Variants in PCDHGA8 observed in about 807,000 individuals in gnomAD.
PCDHGA8 encodes protocadherin gamma subfamily A, 8.
PCDHGA8 carries 45 observed loss-of-function variants against 59.2 expected under a neutral mutation model. That is an observed-to-expected ratio of 0.76 (90% CI 0.60 to 0.98). The LOEUF (loss-of-function observed/expected upper bound fraction) is 0.98, where lower values mean the gene tolerates loss of function less well. Among genes scored for constraint, PCDHGA8 ranks in the 50% least tolerant of loss-of-function variants. The pLI is 0.00. For synonymous variants in PCDHGA8, 531 were observed against 519.0 expected, an observed-to-expected ratio of 1.02 and a Z score of -0.32; for missense variants, 1,257 against 1,196.2, an observed-to-expected ratio of 1.05 and a Z score of -0.75.
rs780177231 is a variant in PCDHGA8, at chr5:141,393,457, C to T, written c.644C>T (p.Ser215Leu). Residue 215 changes from serine (S) to leucine (L), a missense_variant, in exon 1 of 4, where the codon TCG becomes TTG. Physicochemically the swap from Ser to Leu is moderately radical, Grantham distance 145. Coordinates refer to ENST00000398604, the MANE Select transcript of PCDHGA8 (RefSeq NM_032088.2). ...EAAHHLVLTA[S>L]DGGKPPRSST... ...GCTCACCACCTGGTCCTCACGGCCTCGGATGGCGGCAAGCCGCCTCGCTCT... is the reference window on the plus strand; with the variant it reads ...GCTCACCACCTGGTCCTCACGGCCTTGGATGGCGGCAAGCCGCCTCGCTCT... The T allele has an allele frequency of 1.9e-6, 3 of 1,614,050 alleles. No individual in the cohort carries two copies. The highest frequency in any genetic ancestry group is 2.2e-5 in the East Asian group (1 of 44,876).
At chr5:141,400,003 C>G (rs2093938557) in intron 1 of PCDHGA8, 1 of 1,612,278 alleles carries the variant, frequency 6.2e-7, no homozygotes, top group Non-Finnish European at 8.5e-7. Context: ...GCGCACAGCG[C>G]GTGCCTTGGG....
At chr5:141,410,084 A>G in intron 1 of PCDHGA8, 3 of 1,612,532 alleles carry the variant, frequency 1.9e-6, no homozygotes, top group Non-Finnish European at 2.5e-6. Context: ...GGAGGTGCGC[A>G]CGGCTCGAGC....
chr5:141,394,761 G>A lies in PCDHGA8; in HGVS notation c.1948G>A (p.Gly650Ser). Reference protein sequence around the residue: ...QSLVVAVQDHGQPPLSATVTL... With the variant: ...QSLVVAVQDHSQPPLSATVTL... ...CCTCGTGGTGGCCGTCCAGGACCATGGCCAGCCCCCTCTCTCCGCCACTGT... is the reference window on the plus strand; with the variant it reads ...CCTCGTGGTGGCCGTCCAGGACCATAGCCAGCCCCCTCTCTCCGCCACTGT... The change falls in exon 1 of 4, where the codon GGC becomes AGC. Residue 650 changes from glycine to serine, a missense_variant. Gly to Ser is a moderately conservative substitution (Grantham distance 56, BLOSUM62 0). Transcript: ENST00000398604. 6.2e-7 allele frequency: 1 copy of A among 1,613,428 alleles called. No individual in the cohort carries two copies. Among genetic ancestry groups the A allele is most frequent in the South Asian group, 1.1e-5 (1 of 91,088 alleles).
At chr5:141,404,602 G>C (rs749746083) in intron 1 of PCDHGA8, 2 of 1,614,076 alleles carry the variant, frequency 1.2e-6, no homozygotes, top group Admixed American at 1.7e-5. Flanking sequence ...CATTGAGACT[G>C]TTTGTTTTGG....
chr5:141,423,609 A>G lies in PCDHGA8; in HGVS notation c.2424+28372A>G, dbSNP rs748925693. The G allele has an allele frequency of 5.0e-6, 8 of 1,611,572 alleles. No homozygotes were observed. The South Asian group carries it at 7.7e-5, about 16-fold the overall frequency. ...GTGAGAAAAGCGAGCCACTCTTGAT[A>G]GCTGAAGACTCAGCTATCATTTTAG... On this transcript the variant is annotated intron_variant, in intron 1 of 3. Transcript: ENST00000398604.
chr5:141,499,563 A>C (rs979866448), intron 2 of PCDHGA8, among the ~76,000 whole-genome samples: 3 of 152,242 alleles, frequency 2.0e-5, no homozygotes, highest in Non-Finnish European at 2.9e-5. Context: ...ACCACTATCC[A>C]GCTTCAACTA....
chr5:141,428,513 AAAG>A (rs891793310), intron 1 of PCDHGA8: 2 of 280,938 alleles, frequency 7.1e-6, no homozygotes, highest in Non-Finnish European at 1.4e-5. Context: ...GATTCTAGAA[AAAG>A]AAGATTTAAT....
chr5:141,426,717 G>A (rs974405285), intron 1 of PCDHGA8: 1 of 446,052 alleles, frequency 2.2e-6, no homozygotes, highest in African/African-American at 2.0e-5. Flanking sequence ...CAATGAACTA[G>A]CAATTCCAGG....
intron 1 of PCDHGA8, chr5:141,430,848 A>G (rs780445178): frequency 1.3e-6 from 2 of 1,581,028 alleles, no homozygotes; most frequent in Admixed American, 1.8e-5. Flanking sequence ...GGATGCACCC[A>G]GATACGCTAT....
chr5:141,415,514 C>G, intron 1 of PCDHGA8: 2 of 1,614,178 alleles, frequency 1.2e-6, no homozygotes, highest in Non-Finnish European at 8.5e-7. Flanking sequence ...CCCAATTATG[C>G]GGACACGCTC....
In PCDHGA8 at chr5:141,489,948, T is replaced by C; in HGVS notation, c.2425-4859T>C. 2 of 1,614,210 alleles carry C rather than the reference T, an allele frequency of 1.2e-6. No individual in the cohort carries two copies. Among genetic ancestry groups the C allele is most frequent in the Non-Finnish European group, 1.7e-6 (2 of 1,180,030 alleles). On this transcript the variant is annotated intron_variant, in intron 1 of 3. Coordinates refer to ENST00000398604, the MANE Select transcript of PCDHGA8 (RefSeq NM_032088.2). The surrounding 1 kb of genome is among the most constrained non-coding windows in gnomAD (Gnocchi z 4.5). ...TCTCTGTCATCGTGCTGGACATCAA[T>C]GATAATGCTCCAACCTTCCAATCCT...
chr5:141,399,310 A>G, intron 1 of PCDHGA8: 2 of 1,613,936 alleles, frequency 1.2e-6, no homozygotes, highest in Non-Finnish European at 1.7e-6. Context: ...CTCTTCATCC[A>G]AAAATTCGTA....
intron 1 of PCDHGA8, among the ~76,000 whole-genome samples, chr5:141,425,485 A>G (rs2096878362): frequency 6.6e-6 from 1 of 152,274 alleles, no homozygotes; most frequent in Non-Finnish European, 1.5e-5. Context: ...ATGGCAACCT[A>G]CTAGGCTATA....
At chr5:141,419,889 A>T in intron 1 of PCDHGA8, 1 of 1,614,084 alleles carries the variant, frequency 6.2e-7, no homozygotes, top group Middle Eastern at 1.6e-4. Flanking sequence ...GATTTCAGCG[A>T]CCATCCCACA....
chr5:141,410,793 G>T, intron 1 of PCDHGA8: 2 of 637,704 alleles, frequency 3.1e-6, no homozygotes, highest in Admixed American at 4.3e-5. Flanking sequence ...TGGTTCATAA[G>T]TTGCTCTATC....
intron 1 of PCDHGA8, among the ~76,000 whole-genome samples, chr5:141,482,530 C>CAAAAAAAAAAAAAAAAAAAAAA (rs3074545): frequency 1.3e-5 from 1 of 76,562 alleles, no homozygotes. Context: ...GACAGACATG[C>CAAAAAAAAAAAAAAAAAAAAAA]AAAAAAAAAA....
chr5:141,409,805 C>T lies in PCDHGA8; in HGVS notation c.2424+14568C>T, dbSNP rs751397816. 8 of 1,611,512 alleles carry T rather than the reference C, an allele frequency of 5.0e-6. No individual in the cohort carries two copies. The African/African-American group carries it at 5.3e-5, about 11-fold the overall frequency. ...CGCCTTCGCGCTCACGCTGCAGGCC[C>T]GCGACCACGGCTCGCCCACGCTCAG... is the stretch of plus-strand genomic sequence containing the variant. On this transcript the variant is annotated intron_variant, in intron 1 of 3. Coordinates refer to ENST00000398604, the MANE Select transcript of PCDHGA8 (RefSeq NM_032088.2).
At chr5:141,427,984 C>G (rs754620535) in intron 1 of PCDHGA8, 2 of 1,597,494 alleles carry the variant, frequency 1.3e-6, no homozygotes, top group South Asian at 2.2e-5. Flanking sequence ...GCGCTGGGGC[C>G]CGATGGCTCC....
chr5:141,400,776 G>T (rs1461818790), intron 1 of PCDHGA8: 3 of 557,594 alleles, frequency 5.4e-6, no homozygotes, highest in Non-Finnish European at 9.4e-6. Context: ...CATTTGGTGC[G>T]TTTTTTTGTC....
Sources: gnomAD v4.1 joint callset for allele counts (sites outside exome capture counted in the v4.1 genomes callset) on GRCh38, gnomAD v4.1.1 for gene constraint, Gnocchi (gnomAD v3.1) non-coding constraint, MANE v1.5 for transcripts, NCBI Gene and HGNC (gene_info 2026-07-23, HGNC 2026-07-21) for gene names.